CFAP46: variants seen among roughly 807,000 people sequenced by gnomAD.
CFAP46 encodes the protein cilia and flagella associated protein 46, also known as cilia- and flagella-associated protein 46.
In CFAP46, 245 loss-of-function variants were observed where a neutral mutation model predicts 325.7. The observed-to-expected ratio is 0.75, with a 90% CI of 0.68 to 0.84. CFAP46 has a LOEUF of 0.84. Among genes scored for constraint, CFAP46 ranks in the 40% least tolerant of loss-of-function variants. CFAP46 has a pLI of 0.00. For missense variants in CFAP46, 3,346 were observed against 3,543.0 expected, an observed-to-expected ratio of 0.94 and a Z score of 1.41; for synonymous variants, 1,523 against 1,495.9, an observed-to-expected ratio of 1.02 and a Z score of -0.42.
At chr10:132,810,820 T>C (rs550249230) in intron 56 of CFAP46, 130 bp downstream of exon 56, 1 of 865,122 alleles carries the variant, frequency 1.2e-6, no homozygotes, top group South Asian at 1.5e-5. Context: ...GGAACGCATG[T>C]GCACCCTGAC....
chr10:132,876,772 T>A lies in CFAP46; in HGVS notation c.4362+40A>T. On this transcript the variant is annotated intron_variant, in intron 31 of 57. Coordinates refer to ENST00000368586, the MANE Select transcript of CFAP46 (RefSeq NM_001200049.3). This position sits in a 1 kb window ranked among gnomAD's most constrained non-coding sequence, Gnocchi z 4.1. The stretch of plus-strand genomic sequence containing the variant: ...GGGACAGGTCAAGGGGACACCATGC[T>A]GTGACCAAGGTCTTGAGCCTTTTCT... The A allele has an allele frequency of 6.5e-7, 1 of 1,533,348 alleles. No individual in the cohort carries two copies. The highest frequency in any genetic ancestry group is 8.8e-7 in the Non-Finnish European group (1 of 1,139,634). The allele number at this position is 1,533,348 out of a possible 1,614,324, so 95.0% of individuals were successfully genotyped here. A position where few individuals can be genotyped will look rare whatever the true frequency, so the allele number is the denominator to read the frequency against.
intron 39 of CFAP46, among the ~76,000 whole-genome samples, chr10:132,853,523 T>C (rs1483476631): frequency 6.6e-6 from 1 of 152,254 alleles, no homozygotes; most frequent in Non-Finnish European, 1.5e-5. Flanking sequence ...AGGTAATATT[T>C]GTATCATAGA....
intron 2 of CFAP46, 109 bp downstream of exon 2, chr10:132,941,871 C>G (rs1239334311): frequency 2.0e-6 from 3 of 1,506,122 alleles, no homozygotes; most frequent in Non-Finnish European, 2.7e-6. Context: ...CTTGACTGCC[C>G]GGCCAGGAGC....
At chr10:132,834,178 A>G (rs1848199540) in intron 48 of CFAP46, 55 bp from the exon 49 acceptor site, 2 of 1,522,006 alleles carry the variant, frequency 1.3e-6, no homozygotes, top group Non-Finnish European at 1.8e-6. Flanking sequence ...AAACGCTTGG[A>G]ATATAGGCGA....
chr10:132,881,108 T>C, intron 27 of CFAP46, 76 bp from the exon 28 acceptor site: 1 of 1,335,850 alleles, frequency 7.5e-7, no homozygotes, highest in Non-Finnish European at 1.0e-6. Context: ...AATACTTTTA[T>C]TGCTCATTTT....
At chr10:132,874,491 A>C (rs1591066134) in intron 31 of CFAP46, among the ~76,000 whole-genome samples, 2 of 120,596 alleles carry the variant, frequency 1.7e-5, no homozygotes, top group East Asian at 5.2e-4. Flanking sequence ...GAAAGAATCA[A>C]GGTAATTAAT....
At chr10:132,851,771 G>A (rs1416454796) in intron 39 of CFAP46, among the ~76,000 whole-genome samples, 1 of 152,270 alleles carries the variant, frequency 6.6e-6, no homozygotes, top group South Asian at 2.1e-4. Flanking sequence ...TTTATTTCCA[G>A]TTCTGGGGCT....
At position 132,913,334 on chromosome 10, in the gene CFAP46, C is replaced by A. The variant is rs1043168798; in HGVS notation, c.2121-76G>T. 4 of 1,005,178 alleles carry A rather than the reference C, an allele frequency of 4.0e-6. No individual in the cohort carries two copies. The African/African-American group carries it at 4.8e-5, about 12-fold the overall frequency. The allele number at this position is 1,005,178 out of a possible 1,614,324, so 62.3% of individuals were successfully genotyped here. On this transcript the variant is annotated intron_variant, in intron 17 of 57. Coordinates refer to ENST00000368586, the MANE Select transcript of CFAP46 (RefSeq NM_001200049.3). The stretch of plus-strand genomic sequence containing the variant: ...GCCAGGCACCAGGAAGGCTGCGGGG[C>A]CTGTTAGGAACCAGGCTGCAGGGCA...
In CFAP46 at chr10:132,929,696, G is replaced by T; in HGVS notation, c.966+9C>A. 1.2e-6 allele frequency: 2 copies of T among 1,612,250 alleles called. No individual in the cohort carries two copies. Among genetic ancestry groups the T allele is most frequent in the Non-Finnish European group, 1.7e-6 (2 of 1,178,334 alleles). On this transcript the variant is annotated intron_variant, in intron 9 of 57. Transcript: ENST00000368586. ...CATCCCCAGGCAGCAGTGTCATGAA[G>T]CCACTTACTTTGCTTTCCATCTTCT...
intron 50 of CFAP46, among the ~76,000 whole-genome samples, chr10:132,826,110 C>T (rs1459241829): frequency 4.1e-5 from 5 of 122,750 alleles, no homozygotes; most frequent in African/African-American, 6.3e-5. Flanking sequence ...AGACCAGCCA[C>T]GGAGCCAGGC....
intron 41 of CFAP46, among the ~76,000 whole-genome samples, chr10:132,848,616 T>C (rs533851627): frequency 5.3e-5 from 8 of 152,340 alleles, no homozygotes; most frequent in African/African-American, 1.9e-4. Context: ...GGCTGCGCTT[T>C]GTGCTCCCTA....
At position 132,900,353 on chromosome 10, in the gene CFAP46, T is replaced by C. The variant is rs537611499; in HGVS notation, c.2925-687A>G. 3.3e-5 allele frequency among the ~76,000 whole-genome samples: 5 copies of C among 152,368 alleles called. No homozygotes were observed. The South Asian group carries it at 6.2e-4, about 19-fold the overall frequency. ...CGGCTCCTCATCCCTGGACGTTCGC[T>C]GCTCCAGGGCTGCCGTGGCTGGGGC... On this transcript the variant is annotated intron_variant, in intron 22 of 57. Coordinates refer to ENST00000368586, the MANE Select transcript of CFAP46 (RefSeq NM_001200049.3).
Position 132,832,485 on chromosome 10 carries a change from G to A in CFAP46, c.7117+873C>T, listed in dbSNP as rs185584034. 1.3e-4 allele frequency: 31 copies of A among 246,438 alleles called. No homozygotes were observed. The highest frequency in any genetic ancestry group is 5.3e-4 in the Admixed American group (10 of 18,774). 15.3% of individuals were successfully genotyped at this position (246,438 alleles called of 1,614,324 possible). ...AGCCAAACCCCCTTCGAGGCCCCCC[G>A]TCCTGCGCGGACTGCTCGTCAATGT... is the stretch of plus-strand genomic sequence containing the variant. On this transcript the variant is annotated intron_variant, in intron 50 of 57. Transcript: ENST00000368586. The surrounding 1 kb of genome is among the most constrained non-coding windows in gnomAD (Gnocchi z 4.1).
At position 132,865,894 on chromosome 10, in the gene CFAP46, C is replaced by T. The variant is rs976634623; in HGVS notation, c.4890+131G>A. On this transcript the variant is annotated intron_variant, in intron 35 of 57. Coordinates refer to ENST00000368586, the MANE Select transcript of CFAP46 (RefSeq NM_001200049.3). ...ACTGACTTCCCGCAGAGAGCTGGAC[C>T]CAGACAAGAGAGGCACGTGGCCCTG... 4 of 899,774 alleles carry T rather than the reference C, an allele frequency of 4.4e-6. No homozygotes were observed. In the African/African-American group the frequency reaches 5.2e-5, roughly 12 times the overall value. The allele number at this position is 899,774 out of a possible 1,614,324, so 55.7% of individuals were successfully genotyped here. A position where few individuals can be genotyped will look rare whatever the true frequency, so the allele number is the denominator to read the frequency against.
chr10:132,917,375 C>A (rs79248952), intron 16 of CFAP46, among the ~76,000 whole-genome samples: 1 of 152,240 alleles, frequency 6.6e-6, no homozygotes, highest in East Asian at 1.9e-4. Flanking sequence ...GCGGTGGCTG[C>A]GAGCTCGGAC....
chr10:132,842,127 AT>A (rs1459570874), intron 44 of CFAP46, among the ~76,000 whole-genome samples: 1 of 152,008 alleles, frequency 6.6e-6, no homozygotes, highest in East Asian at 1.9e-4. Context: ...TCTCCGAGTT[AT>A]TTTTTCCCTT....
chr10:132,890,868 G>C (rs1849244616), intron 25 of CFAP46, among the ~76,000 whole-genome samples: 1 of 152,130 alleles, frequency 6.6e-6, no homozygotes. Context: ...AATCAACTTT[G>C]CTTCTCTAAA....
intron 25 of CFAP46, among the ~76,000 whole-genome samples, chr10:132,890,648 T>A (rs894708019): frequency 1.3e-5 from 2 of 151,862 alleles, no homozygotes; most frequent in Non-Finnish European, 2.9e-5. Flanking sequence ...ATCCCCAAAC[T>A]CCTCAGGGAG....
intron 46 of CFAP46, among the ~76,000 whole-genome samples, chr10:132,835,684 T>A (rs556557578): frequency 6.6e-6 from 1 of 152,128 alleles, no homozygotes; most frequent in Admixed American, 6.5e-5. Flanking sequence ...TTCCAGAATG[T>A]CACAGGCTCT....
Sources: allele counts gnomAD v4.1 joint callset (sites outside exome capture counted in the v4.1 genomes callset), GRCh38; gene constraint gnomAD v4.1.1; non-coding constraint Gnocchi (gnomAD v3.1); transcripts MANE v1.5; gene names NCBI Gene and HGNC (gene_info 2026-07-23, HGNC 2026-07-21).